Variants in TACR2 observed in about 807,000 individuals in gnomAD.
TACR2 encodes the protein tachykinin receptor 2.
In TACR2, 24 loss-of-function variants were observed where a neutral mutation model predicts 28.9. That is an observed-to-expected ratio of 0.83 (90% CI 0.60 to 1.17). TACR2 has a LOEUF of 1.17. Ranked by LOEUF, TACR2 falls within the 50% of genes most tolerant of loss-of-function variation. TACR2 has a pLI of 0.00. For synonymous variants in TACR2, 222 were observed against 212.6 expected (o/e 1.04, Z -0.38); for missense variants, 487 against 524.4 (o/e 0.93, Z 0.70).
intron 2 of TACR2, among the ~76,000 whole-genome samples, chr10:69,410,004 A>G (rs1840556173): frequency 6.7e-6 from 1 of 149,806 alleles, no homozygotes; most frequent in South Asian, 2.1e-4. Context: ...CTGCACCAAC[A>G]TCGCTATGGA....
chr10:69,415,303 G>A (rs981742716), intron 1 of TACR2, among the ~76,000 whole-genome samples, 164 bp from the exon 2 acceptor site: 2 of 152,166 alleles, frequency 1.3e-5, no homozygotes, highest in African/African-American at 4.8e-5. Flanking sequence ...AGAGCCCGCT[G>A]GGTGACTCTC....
Position 69,416,096 on chromosome 10 carries a change from C to A in TACR2, c.228G>T (p.Ala76=), listed in dbSNP as rs147969214. Residue 76 remains alanine, a synonymous_variant, in exon 1 of 5, where the codon GCG becomes GCT. Transcript: ENST00000373306. ...TVTNYFIVNL[A]LADLCMAAFN... ...AGGCAGCCATGCAGAGGTCAGCCAG[C>A]GCCAGATTGACGATGAAGTAGTTGG... 3.7e-6 allele frequency: 6 copies of A among 1,614,080 alleles called. No individual in the cohort carries two copies. The Admixed American group carries it at 8.3e-5, about 22-fold the overall frequency.
Position 69,415,156 on chromosome 10 carries a change from G to C in TACR2, c.393-17C>G. The C allele has an allele frequency of 6.2e-7, 1 of 1,600,830 alleles. No individual in the cohort carries two copies. Among genetic ancestry groups the C allele is most frequent in the East Asian group, 2.2e-5 (1 of 44,644 alleles). ...GCCATGTACCTGTGAGCAGAGGGCA[G>C]CTTGAGCGGCAGGGGCCCTCCTGTT... On this transcript the variant is annotated splice_polypyrimidine_tract_variant and intron_variant, in intron 1 of 4. Coordinates refer to ENST00000373306, the MANE Select transcript of TACR2 (RefSeq NM_001057.3).
chr10:69,413,866 C>A (rs946337442), intron 2 of TACR2, among the ~76,000 whole-genome samples: 21 of 152,224 alleles, frequency 1.4e-4, no homozygotes, highest in African/African-American at 5.1e-4. Context: ...GGTACCAGTT[C>A]TGTGCCAGGC....
rs1339554180 is a variant in TACR2 at position 69,407,115 on chromosome 10, T to A, written c.907A>T (p.Asn303Tyr). The A allele has an allele frequency of 1.2e-6, 2 of 1,613,562 alleles. No individual in the cohort carries two copies. The highest frequency in any genetic ancestry group is 1.7e-6 in the Non-Finnish European group (2 of 1,179,830). ...FWLAMSSTMYNPIIYCCLNHR... is the reference protein window; with the variant it reads ...FWLAMSSTMYYPIIYCCLNHR... ...TTGAGACAGCAGTAGATGATGGGATTGTACATGGTAGAGCTCATGGCCAAC... is the reference window on the plus strand; with the variant it reads ...TTGAGACAGCAGTAGATGATGGGATAGTACATGGTAGAGCTCATGGCCAAC... Residue 303 changes from asparagine to tyrosine, a missense_variant, in exon 4 of 5, where the codon AAT becomes TAT. Transcript: ENST00000373306.
In TACR2 at chr10:69,408,917, C is replaced by A. The variant is rs1462175817; in HGVS notation, c.741+5G>T. ...CCCCCTCCAGGCCCCCGCCCCCGCG[C>A]CCACCTTCTTCATGGCCTGCAGGTG... On this transcript the variant is annotated splice_donor_5th_base_variant and intron_variant, in intron 3 of 4. Transcript: ENST00000373306. 7.2e-7 allele frequency: 1 copy of A among 1,393,798 alleles called. No individual in the cohort carries two copies. Among genetic ancestry groups the A allele is most frequent in the East Asian group, 3.0e-5 (1 of 33,810 alleles). 86.3% of individuals were successfully genotyped at this position (1,393,798 alleles called of 1,614,324 possible).
chr10:69,408,782 A>AG lies in TACR2; in HGVS notation c.741+139dup. On this transcript the variant is annotated intron_variant, in intron 3 of 4. Coordinates refer to ENST00000373306, the MANE Select transcript of TACR2 (RefSeq NM_001057.3). ...AAGGGCGGCTCCCCAGGGCGGGGTC[A>AG]GGCCCCGTCCCGCCCCCGTCCCGCC... 9.9e-6 allele frequency: 3 copies of AG among 301,840 alleles called. 1 individual carries two copies. The highest frequency in any genetic ancestry group is 4.8e-5 in the African/African-American group (2 of 41,864). 18.7% of individuals were successfully genotyped at this position (301,840 alleles called of 1,614,324 possible).
At chr10:69,410,518 CA>C (rs774971144) in intron 2 of TACR2, among the ~76,000 whole-genome samples, 39 of 89,012 alleles carry the variant, frequency 4.4e-4, no homozygotes, top group Non-Finnish European at 5.1e-4. Flanking sequence ...GAGACCCTGT[CA>C]AAAAAAAAAA....
At chr10:69,413,473 AC>A (rs1453887848) in intron 2 of TACR2, among the ~76,000 whole-genome samples, 12 of 152,022 alleles carry the variant, frequency 7.9e-5, no homozygotes, top group Middle Eastern at 3.4e-3. Context: ...TCTGCTCTCC[AC>A]CCTTTGCTGA....
At chr10:69,415,401 G>A (rs1257752454) in intron 1 of TACR2, among the ~76,000 whole-genome samples, 1 of 152,202 alleles carries the variant, frequency 6.6e-6, no homozygotes, top group Non-Finnish European at 1.5e-5. Flanking sequence ...CATGCCCGTG[G>A]ACGGCCACAA....
At chr10:69,414,157 C>T (rs1300717529) in intron 2 of TACR2, among the ~76,000 whole-genome samples, 2 of 152,116 alleles carry the variant, frequency 1.3e-5, no homozygotes, top group African/African-American at 2.4e-5. Context: ...AAGGACTCAC[C>T]CAGGGTCACA....
intron 2 of TACR2, among the ~76,000 whole-genome samples, chr10:69,414,670 G>T (rs1194628108): frequency 6.6e-6 from 1 of 152,012 alleles, no homozygotes; most frequent in African/African-American, 2.4e-5. Context: ...TCTAAAAAAT[G>T]GTAAGAATAA....
intron 2 of TACR2, among the ~76,000 whole-genome samples, chr10:69,409,923 A>ATATATATATG (rs1589603258): frequency 1.3e-5 from 1 of 76,464 alleles, no homozygotes; most frequent in East Asian, 3.3e-4. Flanking sequence ...ATATATATAT[A>ATATATATATG]TATATATATA....
rs765082792 is a variant in TACR2 at position 69,415,149 on chromosome 10, G to GC, written c.393-11_393-10insG. ...GACGATGGCCATGTACCTGTGAGCA[G>GC]AGGGCAGCTTGAGCGGCAGGGGCCC... is the stretch of plus-strand genomic sequence containing the variant. On this transcript the variant is annotated splice_polypyrimidine_tract_variant and intron_variant, in intron 1 of 4. Transcript: ENST00000373306. The GC allele has an allele frequency of 1.9e-6, 3 of 1,604,846 alleles. No individual in the cohort carries two copies. The highest frequency in any genetic ancestry group is 8.5e-7 in the Non-Finnish European group (1 of 1,174,554).
At position 69,416,151 on chromosome 10, in the gene TACR2, A is replaced by G. The variant is rs199837427; in HGVS notation, c.173T>C (p.Ile58Thr). The G allele has an allele frequency of 6.2e-7, 1 of 1,614,214 alleles. No homozygotes were observed. Among genetic ancestry groups the G allele is most frequent in the Admixed American group, 1.7e-5 (1 of 60,026 alleles). The change falls in exon 1 of 5, where the codon ATC becomes ACC. Residue 58 changes from isoleucine (I) to threonine (T), a missense_variant. Ile to Thr is a moderately conservative substitution (Grantham distance 89). Transcript: ENST00000373306. ...TGTGCGCATCCTCCGATGGGCCAGG[A>G]TGATCCAGATGACGATGGCATTACC... ...VTGNAIVIWIILAHRRMRTVT... is the reference protein window; with the variant it reads ...VTGNAIVIWITLAHRRMRTVT...
intron 3 of TACR2, among the ~76,000 whole-genome samples, chr10:69,407,673 C>T (rs553763544): frequency 2.0e-5 from 3 of 152,270 alleles, no homozygotes; most frequent in Non-Finnish European, 2.9e-5. Context: ...GTTCCCAGGA[C>T]GCCCCCTCTC....
chr10:69,409,904 C>CATAT (rs10663894), intron 2 of TACR2, among the ~76,000 whole-genome samples: 2,101 of 32,478 alleles, frequency 0.065, 49 homozygotes, highest in South Asian at 0.11. Flanking sequence ...TATATATATA[C>CATAT]ATATATATAT....
chr10:69,407,397 C>T (rs1378282336), intron 3 of TACR2, 117 bp from the exon 4 acceptor site: 5 of 982,036 alleles, frequency 5.1e-6, no homozygotes, highest in East Asian at 2.7e-5. Flanking sequence ...ACACAGACCC[C>T]GTTAGCTCTA....
intron 2 of TACR2, among the ~76,000 whole-genome samples, chr10:69,409,890 C>CATATATATATACATATATATAT (rs1840549164): frequency 2.8e-5 from 1 of 35,350 alleles, no homozygotes; most frequent in Non-Finnish European, 4.7e-5. Flanking sequence ...TACATATATA[C>CATATATATATACATATATATAT]ATATATATAT....
Sources: allele counts gnomAD v4.1 joint callset (sites outside exome capture counted in the v4.1 genomes callset), GRCh38; gene constraint gnomAD v4.1.1; transcripts MANE v1.5; gene names NCBI Gene and HGNC (gene_info 2026-07-23, HGNC 2026-07-21).